SEPTIN7: variants seen among roughly 807,000 people sequenced by gnomAD.
SEPTIN7 encodes septin 7, also known as septin-7.
A neutral mutation model predicts 63.3 loss-of-function variants in SEPTIN7; 10 were observed. The observed-to-expected ratio is 0.16, with a 90% CI of 0.10 to 0.27. The LOEUF is 0.27. Among genes scored for constraint, SEPTIN7 ranks in the 10% least tolerant of loss-of-function variants. The pLI, the probability that SEPTIN7 is intolerant of heterozygous loss-of-function variation, is 1.00. For synonymous variants in SEPTIN7, 131 were observed against 165.3 expected (o/e 0.79, Z 1.59); for missense variants, 310 against 521.0 (o/e 0.59, Z 3.94).
At chr7:35,845,724 A>T (rs2116011227) in intron 3 of SEPTIN7, among the ~76,000 whole-genome samples, 1 of 152,302 alleles carries the variant, frequency 6.6e-6, no homozygotes, top group Admixed American at 6.5e-5. Context: ...CTGAATATTA[A>T]TGCTACCCCT....
chr7:35,817,307 C>G (rs1245723933), intron 1 of SEPTIN7, among the ~76,000 whole-genome samples: 1 of 151,992 alleles, frequency 6.6e-6, no homozygotes, highest in African/African-American at 2.4e-5. Context: ...AAAGACTAGT[C>G]TTTTTCCATT....
At chr7:35,869,271 T>C (rs1786000812) in intron 4 of SEPTIN7, among the ~76,000 whole-genome samples, 1 of 152,182 alleles carries the variant, frequency 6.6e-6, no homozygotes, top group Non-Finnish European at 1.5e-5. Flanking sequence ...CTTAGTAAAG[T>C]AGTTCTGGGT....
At chr7:35,842,993 A>G (rs564817161) in intron 3 of SEPTIN7, among the ~76,000 whole-genome samples, 3 of 152,194 alleles carry the variant, frequency 2.0e-5, no homozygotes, top group South Asian at 4.2e-4. Context: ...TAAATCTCCA[A>G]TTTCATTCCA....
chr7:35,841,568 C>CT (rs1292951967), intron 3 of SEPTIN7, among the ~76,000 whole-genome samples: 1 of 152,152 alleles, frequency 6.6e-6, no homozygotes, highest in Non-Finnish European at 1.5e-5. Flanking sequence ...CCTAGAGAAA[C>CT]TGTTCTCTTG....
chr7:35,871,088 ATACT>A (rs1357076247), intron 4 of SEPTIN7, among the ~76,000 whole-genome samples: 1 of 152,204 alleles, frequency 6.6e-6, no homozygotes, highest in African/African-American at 2.4e-5. Context: ...ATGCATATTA[ATACT>A]TAATATTCAG....
At chr7:35,870,078 T>C (rs929326966) in intron 4 of SEPTIN7, among the ~76,000 whole-genome samples, 2 of 152,230 alleles carry the variant, frequency 1.3e-5, no homozygotes, top group African/African-American at 2.4e-5. Flanking sequence ...TAGGATACAG[T>C]CGGATCCTGT....
In SEPTIN7 at chr7:35,813,109, T is replaced by TGTTAA. The variant is rs1048197119; in HGVS notation, c.61+11840_61+11844dup. Among the ~76,000 whole-genome samples the TGTTAA allele has an allele frequency of 8.5e-5, 13 of 152,330 alleles. 1 individual carries two copies. Among genetic ancestry groups the TGTTAA allele is most frequent in the African/African-American group, 3.1e-4 (13 of 41,576 alleles). On this transcript the variant is annotated intron_variant, in intron 1 of 13. Coordinates refer to ENST00000350320, the MANE Select transcript of SEPTIN7 (RefSeq NM_001788.6). ...TGTATGTGAAGTGCCAAACCCTTTA[T>TGTTAA]GTTAATTGTTTTGTATATACCTTAC...
chr7:35,905,848 T>C lies in SEPTIN7; in HGVS notation c.*1555T>C, dbSNP rs1397385006. On this transcript the variant is annotated 3_prime_UTR_variant, in exon 14 of 14. Coordinates refer to ENST00000350320, the MANE Select transcript of SEPTIN7 (RefSeq NM_001788.6). ...TGTAAAGAGGGTAGTGTCATTTCTTTTCTTAAGGTCAAGTGACATAGATTT... is the reference window on the plus strand; with the variant it reads ...TGTAAAGAGGGTAGTGTCATTTCTTCTCTTAAGGTCAAGTGACATAGATTT... The C allele has an allele frequency of 1.3e-5, 2 of 152,234 alleles. No individual in the cohort carries two copies. Among genetic ancestry groups the C allele is most frequent in the Non-Finnish European group, 2.9e-5 (2 of 68,046 alleles). The allele number at this position is 152,234 out of a possible 1,614,324, so 9.4% of individuals were successfully genotyped here.
chr7:35,832,575 C>A, intron 2 of SEPTIN7: 1 of 354,900 alleles, frequency 2.8e-6, no homozygotes. Flanking sequence ...TATTTCATTC[C>A]CTTGGATTTT....
intron 4 of SEPTIN7, among the ~76,000 whole-genome samples, chr7:35,868,750 G>C (rs1355625198): frequency 6.6e-6 from 1 of 152,160 alleles, no homozygotes; most frequent in African/African-American, 2.4e-5. Flanking sequence ...CGATAGAGGG[G>C]AAATAGTGTA....
intron 3 of SEPTIN7, among the ~76,000 whole-genome samples, chr7:35,861,902 A>G (rs555516057): frequency 6.6e-6 from 1 of 152,258 alleles, no homozygotes; most frequent in South Asian, 2.1e-4. Flanking sequence ...GAAAAATGTC[A>G]CAAAAGTTTT....
rs569667091 is a variant in SEPTIN7 at position 35,846,356 on chromosome 7, G to T, written c.169+13456G>T. Reference sequence around the variant, plus strand: ...TTTTTATTGTTAAAATATTATTGCAGTGTTTTTCTCTGTGTGTTTCATTCC... The same window carrying T: ...TTTTTATTGTTAAAATATTATTGCATTGTTTTTCTCTGTGTGTTTCATTCC... On this transcript the variant is annotated intron_variant, in intron 3 of 13. Transcript: ENST00000350320. 6.6e-5 allele frequency among the ~76,000 whole-genome samples: 10 copies of T among 152,158 alleles called. No individual in the cohort carries two copies. In the East Asian group the frequency reaches 1.7e-3, roughly 26 times the overall value.
chr7:35,849,460 G>A (rs559300383), intron 3 of SEPTIN7, among the ~76,000 whole-genome samples: 4 of 152,326 alleles, frequency 2.6e-5, no homozygotes, highest in African/African-American at 9.6e-5. Context: ...TGGTCTGACA[G>A]GAGGCGGAGC....
At chr7:35,807,407 G>C (rs917256397) in intron 1 of SEPTIN7, among the ~76,000 whole-genome samples, 21 of 136,392 alleles carry the variant, frequency 1.5e-4, no homozygotes, top group African/African-American at 4.8e-4. Context: ...TGTCGCCCAG[G>C]CTGGAGTGCA....
chr7:35,898,001 T>C (rs182109573), intron 11 of SEPTIN7, among the ~76,000 whole-genome samples: 2 of 152,316 alleles, frequency 1.3e-5, no homozygotes, highest in Admixed American at 1.3e-4. Flanking sequence ...CCCATTTTCC[T>C]TCTACAGTTT....
chr7:35,876,952 A>T (rs1240627914), intron 6 of SEPTIN7, among the ~76,000 whole-genome samples: 1 of 151,988 alleles, frequency 6.6e-6, no homozygotes. Context: ...CTGAGCAATA[A>T]GAGTGAAACT....
intron 3 of SEPTIN7, among the ~76,000 whole-genome samples, chr7:35,849,828 A>G (rs940414108): frequency 2.6e-5 from 4 of 152,146 alleles, no homozygotes; most frequent in Non-Finnish European, 5.9e-5. Flanking sequence ...CTTATTTGGC[A>G]TTACTGACCA....
chr7:35,891,869 A>G (rs1214418703), intron 11 of SEPTIN7, among the ~76,000 whole-genome samples: 1 of 152,216 alleles, frequency 6.6e-6, no homozygotes, highest in Middle Eastern at 3.2e-3. Context: ...ATGTAGAAAG[A>G]TATTATCTTT....
At chr7:35,886,021 GA>G in intron 10 of SEPTIN7, 142 bp downstream of exon 10, 1 of 611,474 alleles carries the variant, frequency 1.6e-6, no homozygotes, top group African/African-American at 1.9e-5. Flanking sequence ...ACTACATATA[GA>G]TGATTCTTTC....
Sources: allele counts gnomAD v4.1 joint callset (sites outside exome capture counted in the v4.1 genomes callset), GRCh38; gene constraint gnomAD v4.1.1; transcripts MANE v1.5; gene names NCBI Gene and HGNC (gene_info 2026-07-23, HGNC 2026-07-21).